Variants in FYN observed in about 807,000 individuals in gnomAD.
FYN encodes the protein FYN proto-oncogene, Src family tyrosine kinase.
A neutral mutation model predicts 70.2 loss-of-function variants in FYN; 10 were observed. The ratio of observed to expected loss-of-function variants is 0.14; its 90% CI spans 0.09 to 0.24. The LOEUF is 0.24. Ranked by LOEUF, FYN falls within the 10% of genes least tolerant of loss-of-function variation. The pLI is 1.00. For synonymous variants in FYN, 236 were observed against 248.6 expected, an observed-to-expected ratio of 0.95 and a Z score of 0.48; for missense variants, 319 against 673.1, an observed-to-expected ratio of 0.47 and a Z score of 5.82.
chr6:111,729,192 G>A (rs141924431), intron 3 of FYN, among the ~76,000 whole-genome samples: 2 of 152,192 alleles, frequency 1.3e-5, no homozygotes, highest in African/African-American at 4.8e-5. Flanking sequence ...GGGCATACTC[G>A]GCCAGGTGTG....
intron 2 of FYN, among the ~76,000 whole-genome samples, chr6:111,796,984 A>G (rs1317071995): frequency 2.0e-5 from 3 of 152,182 alleles, no homozygotes; most frequent in African/African-American, 4.8e-5. Context: ...ACTTTAAAAC[A>G]CCCACCTCAG....
chr6:111,838,151 A>G (rs1225768919), intron 2 of FYN, among the ~76,000 whole-genome samples: 1 of 152,122 alleles, frequency 6.6e-6, no homozygotes, highest in Non-Finnish European at 1.5e-5. Context: ...CCTCATCTGA[A>G]TGCAAGATTC....
At chr6:111,671,295 C>G (rs1798256472) in intron 13 of FYN, among the ~76,000 whole-genome samples, 1 of 152,186 alleles carries the variant, frequency 6.6e-6, no homozygotes, top group Non-Finnish European at 1.5e-5. Flanking sequence ...TCCCTTTGCC[C>G]TTTATTTGGT....
intron 4 of FYN, among the ~76,000 whole-genome samples, chr6:111,718,948 T>C (rs1271365902): frequency 6.6e-6 from 1 of 152,184 alleles, no homozygotes; most frequent in African/African-American, 2.4e-5. Flanking sequence ...TGCTAATGCC[T>C]TAGTAGTGCC....
intron 13 of FYN, among the ~76,000 whole-genome samples, chr6:111,663,168 G>C (rs1004278401): frequency 6.6e-6 from 1 of 152,176 alleles, no homozygotes; most frequent in Non-Finnish European, 1.5e-5. Context: ...CTTCCTGGCC[G>C]GTGAGGCTGT....
chr6:111,709,668 C>G (rs1217561328), intron 5 of FYN, among the ~76,000 whole-genome samples: 1 of 152,130 alleles, frequency 6.6e-6, no homozygotes, highest in African/African-American at 2.4e-5. Flanking sequence ...TAGATTTATT[C>G]ATAATCTTAA....
At chr6:111,758,194 G>A (rs779662204) in intron 3 of FYN, among the ~76,000 whole-genome samples, 2 of 152,192 alleles carry the variant, frequency 1.3e-5, no homozygotes, top group African/African-American at 4.8e-5. Flanking sequence ...ATAGTATATA[G>A]CACTAAAATC....
chr6:111,871,272 A>G (rs1428425692), intron 1 of FYN, among the ~76,000 whole-genome samples: 3 of 152,250 alleles, frequency 2.0e-5, no homozygotes, highest in Non-Finnish European at 4.4e-5. Context: ...CCCAGTTCAT[A>G]GCCAAGTGGC....
At chr6:111,665,271 G>C (rs2128399646) in intron 13 of FYN, among the ~76,000 whole-genome samples, 1 of 152,238 alleles carries the variant, frequency 6.6e-6, no homozygotes, top group Non-Finnish European at 1.5e-5. Context: ...CATATTTTTG[G>C]ATTAGGGATA....
intron 2 of FYN, among the ~76,000 whole-genome samples, chr6:111,811,687 A>G (rs186596958): frequency 3.9e-4 from 60 of 152,312 alleles, no homozygotes; most frequent in Non-Finnish European, 5.9e-4. Flanking sequence ...GCTCATCCCT[A>G]TACTGGCTAG....
intron 13 of FYN, among the ~76,000 whole-genome samples, chr6:111,669,835 T>A (rs1798188100): frequency 6.6e-6 from 1 of 151,958 alleles, no homozygotes; most frequent in African/African-American, 2.4e-5. Context: ...CGGGAATCCA[T>A]CAAAGGGACT....
chr6:111,842,492 G>A (rs1773392210), intron 2 of FYN, among the ~76,000 whole-genome samples: 1 of 151,942 alleles, frequency 6.6e-6, no homozygotes, highest in Admixed American at 6.5e-5. Flanking sequence ...ACCAGTACAC[G>A]CATTTGCGCG....
chr6:111,803,877 G>A lies in FYN; in HGVS notation c.-81-23242C>T, dbSNP rs555406023. 4.6e-5 allele frequency among the ~76,000 whole-genome samples: 7 copies of A among 152,172 alleles called. No individual in the cohort carries two copies. In the South Asian group the frequency reaches 1.5e-3, roughly 32 times the overall value. On this transcript the variant is annotated intron_variant, in intron 2 of 13. Transcript: ENST00000354650. The stretch of plus-strand genomic sequence containing the variant: ...AAAGCAGCCATGGTATGTTAATATG[G>A]GATATTTTGCTTTCCAAGGAAACAC...
At chr6:111,872,090 G>A (rs1378996948) in intron 1 of FYN, among the ~76,000 whole-genome samples, 1 of 152,066 alleles carries the variant, frequency 6.6e-6, no homozygotes, top group Admixed American at 6.5e-5. Flanking sequence ...TCACACACCC[G>A]GCGAGTCTGT....
chr6:111,713,944 G>C (rs986190621), intron 5 of FYN, among the ~76,000 whole-genome samples: 3 of 152,236 alleles, frequency 2.0e-5, no homozygotes, highest in Non-Finnish European at 4.4e-5. Flanking sequence ...GGCTTAGCTA[G>C]TGTAACATCT....
chr6:111,729,464 G>T (rs1801345352), intron 3 of FYN, among the ~76,000 whole-genome samples: 1 of 143,452 alleles, frequency 7.0e-6, no homozygotes. Context: ...GACAGAGTGA[G>T]ACTGCCTCAA....
At chr6:111,846,049 A>G (rs1291044272) in intron 2 of FYN, among the ~76,000 whole-genome samples, 1 of 152,234 alleles carries the variant, frequency 6.6e-6, no homozygotes, top group African/African-American at 2.4e-5. Flanking sequence ...TTGTCTCAAG[A>G]GAGTCCAGCA....
At chr6:111,678,697 C>T (rs73538011) in intron 12 of FYN, among the ~76,000 whole-genome samples, 4,529 of 152,246 alleles carry the variant, frequency 0.03, 231 homozygotes, top group African/African-American at 0.1. Context: ...TTATCTTCCC[C>T]ACAATTTGGC....
At chr6:111,665,348 T>G (rs9387026) in intron 13 of FYN, among the ~76,000 whole-genome samples, 7,851 of 152,104 alleles carry the variant, frequency 0.052, 240 homozygotes, top group East Asian at 0.096. Context: ...TTTTTTTAAA[T>G]AATTTTTTTT....
Sources: gnomAD v4.1 joint callset for allele counts (sites outside exome capture counted in the v4.1 genomes callset) on GRCh38, gnomAD v4.1.1 for gene constraint, MANE v1.5 for transcripts, NCBI Gene and HGNC (gene_info 2026-07-23, HGNC 2026-07-21) for gene names.